UVRAG: variants seen among roughly 807,000 people sequenced by gnomAD.
UVRAG encodes the protein UV radiation resistance associated.
Under a neutral mutation model 78.0 loss-of-function variants are expected in UVRAG, and 19 were observed. That is an observed-to-expected ratio of 0.24 (90% CI 0.17 to 0.36). The LOEUF (loss-of-function observed/expected upper bound fraction) is 0.36. Among genes scored for constraint, UVRAG ranks in the 10% least tolerant of loss-of-function variants. UVRAG has a pLI of 1.00. For synonymous variants in UVRAG, 323 were observed against 324.6 expected (o/e 1.00, Z 0.05); for missense variants, 740 against 853.8 (o/e 0.87, Z 1.66).
intron 1 of UVRAG, among the ~76,000 whole-genome samples, chr11:75,849,156 C>A (rs1241037553): frequency 7.0e-6 from 1 of 143,442 alleles, no homozygotes; most frequent in South Asian, 2.3e-4. Context: ...CCAGCCTGGG[C>A]GAGACAGAGC....
At chr11:75,899,856 G>A (rs1947448577) in intron 5 of UVRAG, among the ~76,000 whole-genome samples, 2 of 152,282 alleles carry the variant, frequency 1.3e-5, no homozygotes, top group Middle Eastern at 6.8e-3. Context: ...GTCCACAAAA[G>A]TTCCACACAT....
At chr11:76,061,635 G>T (rs939312854) in intron 12 of UVRAG, among the ~76,000 whole-genome samples, 15 of 151,208 alleles carry the variant, frequency 9.9e-5, no homozygotes, top group Admixed American at 9.9e-4. Flanking sequence ...CACTGCGGAG[G>T]TCCCAGCTTC....
intron 6 of UVRAG, among the ~76,000 whole-genome samples, chr11:75,923,801 A>G (rs1198163743): frequency 6.6e-6 from 1 of 152,192 alleles, no homozygotes; most frequent in Non-Finnish European, 1.5e-5. Flanking sequence ...TATTGCTGAA[A>G]TAATGCACAT....
rs866633233 is a variant in UVRAG at position 76,143,489 on chromosome 11, C to T, written c.*2076C>T. 3.9e-5 allele frequency among the ~76,000 whole-genome samples: 6 copies of T among 152,234 alleles called. No homozygotes were observed. The highest frequency in any genetic ancestry group is 1.9e-4 in the East Asian group (1 of 5,196). On this transcript the variant is annotated 3_prime_UTR_variant, in exon 15 of 15. Transcript: ENST00000356136. ...CCTGGGCTTGTGGCTTTTCACCGCA[C>T]GGCGGGGAGCCCTGCTCTTGAATGT...
chr11:76,043,027 G>A (rs1950680185), intron 12 of UVRAG, among the ~76,000 whole-genome samples: 1 of 152,158 alleles, frequency 6.6e-6, no homozygotes. Context: ...TGGTTTTTCT[G>A]TCACTTGAGG....
At chr11:75,863,769 C>G (rs1458919408) in intron 3 of UVRAG, among the ~76,000 whole-genome samples, 1 of 152,138 alleles carries the variant, frequency 6.6e-6, no homozygotes, top group Non-Finnish European at 1.5e-5. Flanking sequence ...TGGACTAAAA[C>G]ACTTGTAGGT....
At chr11:75,897,832 A>G (rs1947377676) in intron 5 of UVRAG, among the ~76,000 whole-genome samples, 1 of 136,884 alleles carries the variant, frequency 7.3e-6, no homozygotes, top group Non-Finnish European at 1.5e-5. Context: ...TAATTTATTT[A>G]TCTCTATATA....
At chr11:75,864,385 TTTTTTCTTAGC>T (rs1590947956) in intron 3 of UVRAG, among the ~76,000 whole-genome samples, 1 of 152,206 alleles carries the variant, frequency 6.6e-6, no homozygotes, top group East Asian at 1.9e-4. Flanking sequence ...GAGGGAGCTC[TTTTTTCTTAGC>T]TTTTTGCTAA....
At chr11:76,043,411 T>A (rs1304415122) in intron 12 of UVRAG, among the ~76,000 whole-genome samples, 1 of 152,198 alleles carries the variant, frequency 6.6e-6, no homozygotes, top group Non-Finnish European at 1.5e-5. Flanking sequence ...TTACTGTGTA[T>A]AAGCTACTGT....
intron 12 of UVRAG, among the ~76,000 whole-genome samples, chr11:76,063,154 G>A (rs917600132): frequency 1.3e-5 from 2 of 152,194 alleles, no homozygotes; most frequent in Non-Finnish European, 2.9e-5. Context: ...GTAGCAGTGC[G>A]TAGAGACTTG....
intron 6 of UVRAG, among the ~76,000 whole-genome samples, chr11:75,958,118 G>A (rs148226830): frequency 1.2e-4 from 18 of 152,254 alleles, no homozygotes; most frequent in African/African-American, 4.3e-4. Context: ...CTTTTTGCTG[G>A]TGGAGGGTCT....
intron 8 of UVRAG, among the ~76,000 whole-genome samples, chr11:75,992,079 C>T (rs898980903): frequency 3.2e-4 from 49 of 152,062 alleles, no homozygotes; most frequent in African/African-American, 1.1e-3. Context: ...TATTAGTACC[C>T]AGTTTGCAGA....
chr11:76,068,257 T>A (rs1019305359), intron 13 of UVRAG, among the ~76,000 whole-genome samples: 3 of 152,180 alleles, frequency 2.0e-5, no homozygotes, highest in Non-Finnish European at 4.4e-5. Flanking sequence ...GCCCTCCTCA[T>A]CAGACTCTCA....
intron 6 of UVRAG, among the ~76,000 whole-genome samples, chr11:75,950,726 G>A (rs544424922): frequency 2.6e-5 from 4 of 152,064 alleles, no homozygotes; most frequent in East Asian, 3.8e-4. Flanking sequence ...TGCCAGTTTT[G>A]TAAGTTCTAG....
chr11:75,831,270 C>A (rs570328774), intron 1 of UVRAG, among the ~76,000 whole-genome samples: 1 of 152,042 alleles, frequency 6.6e-6, no homozygotes, highest in Admixed American at 6.6e-5. Context: ...GGGCAGATCA[C>A]GAGGTCAAGA....
chr11:76,110,228 A>ATATATATATATATATATATG (rs1170175017), intron 13 of UVRAG, among the ~76,000 whole-genome samples: 1 of 150,032 alleles, frequency 6.7e-6, no homozygotes, highest in African/African-American at 2.5e-5. Flanking sequence ...ATATATATAT[A>ATATATATATATATATATATG]TATGTATTAG....
intron 12 of UVRAG, among the ~76,000 whole-genome samples, chr11:76,024,271 A>G (rs528749074): frequency 1.3e-5 from 2 of 152,144 alleles, no homozygotes; most frequent in African/African-American, 2.4e-5. Flanking sequence ...TATGTGGGCA[A>G]TTTCAAGTAG....
intron 14 of UVRAG, among the ~76,000 whole-genome samples, chr11:76,125,914 G>A (rs143514940): frequency 0.016 from 2,359 of 150,570 alleles, 22 homozygotes; most frequent in Non-Finnish European, 0.023. Flanking sequence ...AATATAATAT[G>A]AGCCATACAT....
chr11:75,824,767 G>A (rs898188310), intron 1 of UVRAG, among the ~76,000 whole-genome samples: 20 of 143,256 alleles, frequency 1.4e-4, no homozygotes, highest in African/African-American at 4.2e-4. Context: ...TCCGCCTCCC[G>A]GGTTCACGCC....
Sources: gnomAD v4.1 joint callset for allele counts (sites outside exome capture counted in the v4.1 genomes callset) on GRCh38, gnomAD v4.1.1 for gene constraint, MANE v1.5 for transcripts, NCBI Gene and HGNC (gene_info 2026-07-23, HGNC 2026-07-21) for gene names.